SVEP1: variants seen among roughly 807,000 people sequenced by gnomAD.
SVEP1 encodes the protein sushi, von Willebrand factor type A, EGF and pentraxin domain containing 1.
In SVEP1, 164 loss-of-function variants were observed where a neutral mutation model predicts 367.3. That is an observed-to-expected ratio of 0.45 (90% CI 0.39 to 0.51). SVEP1 has a LOEUF of 0.51. Ranked by LOEUF, SVEP1 falls within the 20% of genes least tolerant of loss-of-function variation. The pLI is 0.00. For missense variants in SVEP1, 4,117 were observed against 4,425.3 expected, an observed-to-expected ratio of 0.93 and a Z score of 1.98; for synonymous variants, 1,666 against 1,611.6, an observed-to-expected ratio of 1.03 and a Z score of -0.81.
intron 7 of SVEP1, among the ~76,000 whole-genome samples, chr9:110,498,037 A>G (rs1005384983): frequency 3.3e-5 from 5 of 152,236 alleles, no homozygotes; most frequent in African/African-American, 1.2e-4. Context: ...CCTGGAATCT[A>G]AAGTTTATAT....
chr9:110,493,822 T>C (rs1274913166), intron 8 of SVEP1, among the ~76,000 whole-genome samples: 1 of 152,180 alleles, frequency 6.6e-6, no homozygotes, highest in Non-Finnish European at 1.5e-5. Flanking sequence ...CTGATGGGTC[T>C]TACAGGGTTG....
chr9:110,478,139 C>T (rs1378480495), intron 13 of SVEP1, among the ~76,000 whole-genome samples: 1 of 152,206 alleles, frequency 6.6e-6, no homozygotes, highest in Non-Finnish European at 1.5e-5. Flanking sequence ...GCTACTCCCT[C>T]TGCCTGGAAC....
At chr9:110,377,446 T>A (rs41278431) in intron 44 of SVEP1, 80 bp from the exon 45 acceptor site, 88,134 of 1,284,926 alleles carry the variant, frequency 0.069, 3,372 homozygotes, top group Non-Finnish European at 0.078. Flanking sequence ...CCCCTTTATA[T>A]CTCATACTAT....
chr9:110,446,900 C>A lies in SVEP1; in HGVS notation c.4261G>T (p.Glu1421Ter). ...PGFSGKRCET[E>*]QSTGFNLDFE... is the part of the protein sequence containing the mutation. ...TTAATAACACTGAGTTGATACATAC[C>A]TGTTTCACACCTTTTGCCTGAAAAT... Residue 1421 changes from glutamate to a stop codon, truncating the protein, a stop_gained and splice_region_variant, in exon 25 of 48, where the codon GAA becomes TAA. Coordinates refer to ENST00000374469, the MANE Select transcript of SVEP1 (RefSeq NM_153366.4). LOFTEE classifies it high-confidence loss of function. The A allele has an allele frequency of 6.6e-7, 1 of 1,526,630 alleles. No homozygotes were observed. Among genetic ancestry groups the A allele is most frequent in the East Asian group, 2.5e-5 (1 of 40,278 alleles). The allele number at this position is 1,526,630 out of a possible 1,614,324, so 94.6% of individuals were successfully genotyped here.
intron 5 of SVEP1, among the ~76,000 whole-genome samples, chr9:110,503,912 T>C (rs1829580913): frequency 1.3e-5 from 2 of 152,224 alleles, no homozygotes; most frequent in South Asian, 4.1e-4. Context: ...TTATTAAGCA[T>C]AGTAATATGC....
chr9:110,405,674 G>C (rs1489087574), intron 38 of SVEP1, among the ~76,000 whole-genome samples: 2 of 152,128 alleles, frequency 1.3e-5, no homozygotes, highest in East Asian at 3.9e-4. Context: ...TACCTACTTT[G>C]TGCCAAGTGC....
At chr9:110,537,042 A>G (rs1830088301) in intron 3 of SVEP1, among the ~76,000 whole-genome samples, 1 of 151,954 alleles carries the variant, frequency 6.6e-6, no homozygotes, top group Non-Finnish European at 1.5e-5. Flanking sequence ...AAATTCTTCA[A>G]TTTCAATAAA....
Position 110,468,956 on chromosome 9 carries a change from G to C in SVEP1, c.3144C>G (p.Asn1048Lys). The C allele has an allele frequency of 1.9e-6, 3 of 1,595,868 alleles. No individual in the cohort carries two copies. Among genetic ancestry groups the C allele is most frequent in the Non-Finnish European group, 1.7e-6 (2 of 1,169,686 alleles). The stretch of plus-strand genomic sequence containing the variant: ...AGCCTCTACCTTTACAATCAGAGAT[G>C]TTTCTTGAATGGATATATTCCGTGT... ...GMYTEYIHSR[N>K]ISDCKAQCKQ... The change falls in exon 17 of 48, where the codon AAC becomes AAG. Residue 1048 changes from asparagine to lysine, a missense_variant. Asn to Lys is a moderately conservative substitution (Grantham distance 94). Coordinates refer to ENST00000374469, the MANE Select transcript of SVEP1 (RefSeq NM_153366.4).
rs746873951 is a variant in SVEP1 at position 110,411,451 on chromosome 9, G to A, written c.6260C>T (p.Pro2087Leu). The A allele has an allele frequency of 1.2e-6, 2 of 1,614,014 alleles. No homozygotes were observed. The highest frequency in any genetic ancestry group is 2.2e-5 in the East Asian group (1 of 44,892). Reference sequence around the variant, plus strand: ...TTCCAAGATGCTATAGGAAACCGATGGAGGTTTTTCACAGAAATGAGCTAT... The same window carrying A: ...TTCCAAGATGCTATAGGAAACCGATAGAGGTTTTTCACAGAAATGAGCTAT... ...RCIAHFCEKP[P>L]SVSYSILESV... is the part of the protein sequence containing the mutation. Residue 2087 changes from proline (P) to leucine (L), a missense_variant, in exon 37 of 48, where the codon CCA (proline) becomes CTA (leucine). Pro to Leu is a moderately conservative substitution (Grantham distance 98). Transcript: ENST00000374469.
At chr9:110,390,914 G>A (rs1410047) in intron 40 of SVEP1, among the ~76,000 whole-genome samples, 129,781 of 152,138 alleles carry the variant, frequency 0.85, 55,706 homozygotes, top group African/African-American at 0.95. Context: ...AATTAACTCA[G>A]GGCCAACCTT....
intron 40 of SVEP1, among the ~76,000 whole-genome samples, chr9:110,390,277 A>AT: frequency 1.4e-5 from 1 of 73,838 alleles, no homozygotes; most frequent in Non-Finnish European, 2.9e-5. Context: ...ATATATACTT[A>AT]TATATATACA....
At chr9:110,377,170 A>G in intron 45 of SVEP1, 101 bp downstream of exon 45, 2 of 1,040,018 alleles carry the variant, frequency 1.9e-6, no homozygotes, top group Non-Finnish European at 2.8e-6. Flanking sequence ...ACAGCAAATG[A>G]ATTCTTCCCA....
intron 40 of SVEP1, 117 bp downstream of exon 40, chr9:110,400,737 G>T: frequency 1.8e-6 from 2 of 1,131,922 alleles, no homozygotes; most frequent in Non-Finnish European, 1.2e-6. Context: ...AGGGAACAAA[G>T]TATAATAGAA....
chr9:110,408,832 A>C lies in SVEP1; in HGVS notation c.6768T>G (p.Pro2256=). Residue 2256 remains proline (P), a synonymous_variant, in exon 38 of 48, where the codon CCT becomes CCG. Transcript: ENST00000374469. The part of the protein sequence containing the change: ...QANRHWHSES[P]LMCVPLDCGK... The stretch of plus-strand genomic sequence containing the variant: ...CACAGTCGAGAGGAACACACATCAG[A>C]GGGGATTCACTGTGCCAGTGGCGAT... 6.2e-7 allele frequency: 1 copy of C among 1,613,460 alleles called. No individual in the cohort carries two copies. The highest frequency in any genetic ancestry group is 8.5e-7 in the Non-Finnish European group (1 of 1,179,874).
At chr9:110,528,156 G>GTGTGTATATATATA in intron 3 of SVEP1, among the ~76,000 whole-genome samples, 1,140 of 33,764 alleles carry the variant, frequency 0.034, 45 homozygotes, top group Admixed American at 0.045. Flanking sequence ...GTGTGTGTGT[G>GTGTGTATATATATA]TATATATATA....
At chr9:110,476,377 A>G (rs1416552226) in intron 13 of SVEP1, 62 bp from the exon 14 acceptor site, 11 of 1,286,240 alleles carry the variant, frequency 8.6e-6, no homozygotes, top group Middle Eastern at 1.9e-4. Context: ...TTGGATAAAC[A>G]CTTTGCTCCC....
At chr9:110,528,154 G>GTATATATATATATATA (rs1265572366) in intron 3 of SVEP1, among the ~76,000 whole-genome samples, 3 of 25,722 alleles carry the variant, frequency 1.2e-4, no homozygotes, top group Non-Finnish European at 2.3e-4. Context: ...GTGTGTGTGT[G>GTATATATATATATATA]TGTATATATA....
At chr9:110,416,048 T>A (rs1242749491) in intron 36 of SVEP1, among the ~76,000 whole-genome samples, 1 of 151,744 alleles carries the variant, frequency 6.6e-6, no homozygotes, top group African/African-American at 2.4e-5. Context: ...AAACACCTGG[T>A]AGAAAAAAAA....
chr9:110,396,828 C>A (rs369250409), intron 40 of SVEP1, among the ~76,000 whole-genome samples: 1 of 152,060 alleles, frequency 6.6e-6, no homozygotes, highest in African/African-American at 2.4e-5. Context: ...CAATAACAGG[C>A]TCTGAAATTG....
Sources: gnomAD v4.1 joint callset for allele counts (sites outside exome capture counted in the v4.1 genomes callset) on GRCh38, gnomAD v4.1.1 for gene constraint, MANE v1.5 for transcripts, NCBI Gene and HGNC (gene_info 2026-07-23, HGNC 2026-07-21) for gene names.